Variants in PPA2 observed in about 807,000 individuals in gnomAD.
The protein encoded by PPA2 is inorganic pyrophosphatase 2, mitochondrial.
In PPA2, 48 loss-of-function variants were observed where a neutral mutation model predicts 49.5. That is an observed-to-expected ratio of 0.97 (90% confidence interval 0.77 to 1.23). The LOEUF (loss-of-function observed/expected upper bound fraction) is 1.23, where lower values mean the gene tolerates loss of function less well. Among genes scored for constraint, PPA2 ranks in the 50% most tolerant of loss-of-function variants. The probability of loss-of-function intolerance (pLI) is 0.00; values close to 1 mark genes in which losing one functional copy is unlikely to be tolerated. For missense variants in PPA2, 429 were observed against 410.1 expected, an observed-to-expected ratio of 1.05 and a Z score of -0.40; for synonymous variants, 131 against 139.9, an observed-to-expected ratio of 0.94 and a Z score of 0.45.
intron 5 of PPA2, 195 bp downstream of exon 5, chr4:105,446,188 A>C: frequency 4.7e-6 from 2 of 429,658 alleles, no homozygotes; most frequent in Non-Finnish European, 7.9e-6. Context: ...CAAGAACTTG[A>C]GTATAGACAT....
chr4:105,473,999 G>T lies in PPA2; in HGVS notation c.52C>A (p.Leu18Met), dbSNP rs114456625. 4.7e-4 allele frequency: 750 copies of T among 1,606,316 alleles called. 2 individuals are homozygous for T. The African/African-American group carries it at 4.8e-3, about 10-fold the overall frequency. Residue 18 changes from leucine to methionine, a missense_variant, in exon 1 of 12, where the codon CTG becomes ATG. Coordinates refer to ENST00000341695, the MANE Select transcript of PPA2 (RefSeq NM_176869.3). Reference sequence around the variant, plus strand: ...GTCCCTGCACTGGTCCCCAACCGCAGGCACGCAGCGGCTGGGGCACCCGTG... The same window carrying T: ...GTCCCTGCACTGGTCCCCAACCGCATGCACGCAGCGGCTGGGGCACCCGTG... ...LRTGAPAAAC[L>M]RLGTSAGTGS...
At chr4:105,464,042 T>C (rs1283935733) in intron 1 of PPA2, among the ~76,000 whole-genome samples, 1 of 152,112 alleles carries the variant, frequency 6.6e-6, no homozygotes, top group African/African-American at 2.4e-5. Flanking sequence ...GACCCCAAAA[T>C]GGTAGATCCA....
At chr4:105,429,327 G>GT (rs1489269658) in intron 6 of PPA2, among the ~76,000 whole-genome samples, 7 of 152,116 alleles carry the variant, frequency 4.6e-5, no homozygotes, top group Non-Finnish European at 8.8e-5. Flanking sequence ...CAAAGATGGC[G>GT]TATCTTACAG....
rs147477298 is a variant in PPA2 at position 105,370,340 on chromosome 4, T to A, written c.976+497A>T. Among the ~76,000 whole-genome samples the A allele has an allele frequency of 9.8e-5, 15 of 152,302 alleles. No individual in the cohort carries two copies. The East Asian group carries it at 1.9e-3, about 20-fold the overall frequency. ...TTGCAATATTTTGAAAGACAAATGA[T>A]GTGTGCACATGCTTAAATTCTGAAA... On this transcript the variant is annotated intron_variant, in intron 11 of 11. Coordinates refer to ENST00000341695, the MANE Select transcript of PPA2 (RefSeq NM_176869.3).
intron 7 of PPA2, chr4:105,405,594 A>T (rs756443479): frequency 7.3e-5 from 73 of 1,006,566 alleles, no homozygotes; most frequent in Non-Finnish European, 8.6e-5. Flanking sequence ...ATATTAACCA[A>T]ATTATCAGCA....
chr4:105,447,363 G>C (rs930503479), intron 4 of PPA2, among the ~76,000 whole-genome samples: 6 of 152,112 alleles, frequency 3.9e-5, no homozygotes, highest in African/African-American at 1.4e-4. Flanking sequence ...GCAGAGAGTG[G>C]AATTATAGTT....
intron 6 of PPA2, among the ~76,000 whole-genome samples, chr4:105,430,521 C>G (rs1295477027): frequency 1.3e-5 from 2 of 152,260 alleles, no homozygotes; most frequent in South Asian, 2.1e-4. Context: ...CATATAAGAC[C>G]GAACACATGT....
rs2046880 is a variant in PPA2 at position 105,449,659 on chromosome 4, A to T, written c.268-256T>A. ...TACGAGTCTGAGAATATCTTTGATG[A>T]GTAGTGACAAAACTAGAATGGAGTC... On this transcript the variant is annotated intron_variant, in intron 3 of 11. Coordinates refer to ENST00000341695, the MANE Select transcript of PPA2 (RefSeq NM_176869.3). 0.89 allele frequency among the ~76,000 whole-genome samples: 135,176 copies of T among 152,178 alleles called. 60,549 individuals carry two copies. Among genetic ancestry groups the T allele is most frequent in the African/African-American group, 0.97 (40,478 of 41,534 alleles).
intron 7 of PPA2, among the ~76,000 whole-genome samples, chr4:105,416,361 A>T (rs1560620867): frequency 6.6e-6 from 1 of 152,196 alleles, no homozygotes; most frequent in Non-Finnish European, 1.5e-5. Context: ...CTTATTATAT[A>T]AAAGGGGAAA....
rs140978728 is a variant in PPA2, at chr4:105,370,910, T to C, written c.940-37A>G. 542 of 1,434,748 alleles carry C rather than the reference T, an allele frequency of 3.8e-4. 6 individuals carry two copies. The East Asian group carries it at 0.012, about 33-fold the overall frequency. The allele number at this position is 1,434,748 out of a possible 1,614,324, so 88.9% of individuals were successfully genotyped here. On this transcript the variant is annotated intron_variant, in intron 10 of 11. Coordinates refer to ENST00000341695, the MANE Select transcript of PPA2 (RefSeq NM_176869.3). Reference sequence around the variant, plus strand: ...AACAGAGAAAGAATCTCTGTTACAATAAATATTTATATGTGGAAAGCGCAT... The same window carrying C: ...AACAGAGAAAGAATCTCTGTTACAACAAATATTTATATGTGGAAAGCGCAT...
chr4:105,409,336 C>G (rs1560617230), intron 7 of PPA2, among the ~76,000 whole-genome samples: 3 of 152,350 alleles, frequency 2.0e-5, no homozygotes, highest in South Asian at 4.1e-4. Context: ...AGACGGCAGC[C>G]TGGTGGGAGG....
intron 5 of PPA2, among the ~76,000 whole-genome samples, chr4:105,443,356 G>A (rs901785696): frequency 4.0e-5 from 6 of 149,658 alleles, no homozygotes; most frequent in Admixed American, 1.3e-4. Flanking sequence ...GGCAGAAGGA[G>A]AGTTGGAGAT....
At chr4:105,440,053 T>C (rs1737281925) in intron 5 of PPA2, among the ~76,000 whole-genome samples, 1 of 151,780 alleles carries the variant, frequency 6.6e-6, no homozygotes, top group Non-Finnish European at 1.5e-5. Context: ...AATCAGAAAA[T>C]ATCTGAGAGG....
chr4:105,406,524 T>C (rs569376481), intron 7 of PPA2, among the ~76,000 whole-genome samples: 1 of 152,188 alleles, frequency 6.6e-6, no homozygotes, highest in Non-Finnish European at 1.5e-5. Context: ...AAAAAAAATT[T>C]CTGAAATCCA....
At chr4:105,401,432 TTTA>T (rs1166569490) in intron 7 of PPA2, among the ~76,000 whole-genome samples, 1 of 151,974 alleles carries the variant, frequency 6.6e-6, no homozygotes, top group Admixed American at 6.6e-5. Flanking sequence ...TCAGTTTTCT[TTTA>T]TTGTGATAAA....
At chr4:105,407,770 T>A (rs375837274) in intron 7 of PPA2, among the ~76,000 whole-genome samples, 5 of 152,292 alleles carry the variant, frequency 3.3e-5, no homozygotes, top group African/African-American at 1.2e-4. Flanking sequence ...CAGACTCCAT[T>A]GATAGGTAAT....
At chr4:105,379,466 T>TAGATAGATAGATA (rs70964651) in intron 10 of PPA2, among the ~76,000 whole-genome samples, 50 of 97,860 alleles carry the variant, frequency 5.1e-4, no homozygotes, top group Middle Eastern at 5.4e-3. Context: ...GATAGATAGA[T>TAGATAGATAGATA]ATCTCAAGCA....
chr4:105,473,803 G>A, intron 1 of PPA2, 91 bp downstream of exon 1: 1 of 1,520,912 alleles, frequency 6.6e-7, no homozygotes, highest in Non-Finnish European at 8.9e-7. Context: ...AGAGAAGGGA[G>A]ACCGCGCGGG....
At chr4:105,445,166 C>T (rs1283698717) in intron 5 of PPA2, among the ~76,000 whole-genome samples, 1 of 152,138 alleles carries the variant, frequency 6.6e-6, no homozygotes, top group African/African-American at 2.4e-5. Flanking sequence ...ATACATGCAC[C>T]TTAGTTTATT....
Sources: allele counts gnomAD v4.1 joint callset (sites outside exome capture counted in the v4.1 genomes callset), GRCh38; gene constraint gnomAD v4.1.1; transcripts MANE v1.5; gene names NCBI Gene and HGNC (gene_info 2026-07-23, HGNC 2026-07-21).